The following SV2B variants were observed in gnomAD, a reference collection of about 807,000 sequenced individuals.
The protein encoded by SV2B is synaptic vesicle glycoprotein 2B.
SV2B carries 41 observed loss-of-function variants against 73.9 expected under a neutral mutation model. That is an observed-to-expected ratio of 0.56 (90% CI 0.43 to 0.72). The LOEUF (loss-of-function observed/expected upper bound fraction) is 0.72. SV2B is among the 30% of genes least tolerant of loss of function. The pLI is 0.00. For synonymous variants in SV2B, 314 were observed against 314.2 expected, an observed-to-expected ratio of 1.00 and a Z score of 0.01; for missense variants, 764 against 857.8, an observed-to-expected ratio of 0.89 and a Z score of 1.37.
chr15:91,293,223 C>T lies in SV2B; in HGVS notation c.*671C>T, dbSNP rs1318730862. The T allele has an allele frequency of 2.0e-5, 3 of 152,208 alleles. No individual in the cohort carries two copies. In the South Asian group the frequency reaches 6.2e-4, roughly 32 times the overall value. 9.4% of individuals were successfully genotyped at this position (152,208 alleles called of 1,614,324 possible). A position where few individuals can be genotyped will look rare whatever the true frequency, so the allele number is the denominator to read the frequency against. ...TTCTGTTTTGCTCTATTCAAAGAAA[C>T]GGAATGGGATAGTTATTCTGTAAAC... is the stretch of plus-strand genomic sequence containing the variant. On this transcript the variant is annotated 3_prime_UTR_variant, in exon 13 of 13. Transcript: ENST00000394232.
At chr15:91,156,319 GA>G (rs1567298394) in intron 1 of SV2B, among the ~76,000 whole-genome samples, 1 of 152,196 alleles carries the variant, frequency 6.6e-6, no homozygotes, top group Non-Finnish European at 1.5e-5. Flanking sequence ...GGACTTCTGA[GA>G]GATGGGTTCT....
rs1008291454 is a variant in SV2B, at chr15:91,245,234, A to T, written c.452-6585A>T. Among the ~76,000 whole-genome samples the T allele has an allele frequency of 6.6e-6, 1 of 152,184 alleles. No homozygotes were observed. The highest frequency in any genetic ancestry group is 2.4e-5 in the African/African-American group (1 of 41,434). On this transcript the variant is annotated intron_variant, in intron 2 of 12. Coordinates refer to ENST00000394232, the MANE Select transcript of SV2B (RefSeq NM_001323032.3). This position sits in a 1 kb window ranked among gnomAD's most constrained non-coding sequence, Gnocchi z 4.2. ...TGGCATTGTGTCTCAAGAGCCACAA[A>T]CTTGTTGATCTCCTTCGATCTCATG...
At chr15:91,191,007 T>A (rs2044990450) in intron 1 of SV2B, among the ~76,000 whole-genome samples, 1 of 151,508 alleles carries the variant, frequency 6.6e-6, no homozygotes, top group African/African-American at 2.4e-5. Context: ...ATTTTTGCCT[T>A]AAATTCTATT....
At chr15:91,164,856 G>A (rs185785512) in intron 1 of SV2B, among the ~76,000 whole-genome samples, 13 of 152,322 alleles carry the variant, frequency 8.5e-5, no homozygotes, top group Admixed American at 7.2e-4. Flanking sequence ...TCAGGGGCAC[G>A]CTGTTAAAAG....
intron 1 of SV2B, among the ~76,000 whole-genome samples, chr15:91,202,182 A>G (rs1240308174): frequency 6.6e-6 from 1 of 152,118 alleles, no homozygotes; most frequent in African/African-American, 2.4e-5. Context: ...ACCTGCTTAA[A>G]TTTCTGCCTA....
In SV2B at chr15:91,224,322, G is replaced by A. The variant is rs948651135; in HGVS notation, c.-391-1551G>A. 3.9e-5 allele frequency among the ~76,000 whole-genome samples: 6 copies of A among 152,306 alleles called. No homozygotes were observed. Among genetic ancestry groups the A allele is most frequent in the African/African-American group, 1.4e-4 (6 of 41,562 alleles). ...GTGGGCAGGTGGTTTGACCTGGGGC[G>A]TGAGTCTCTGGTAGCCTCAATGTGT... On this transcript the variant is annotated intron_variant, in intron 1 of 12. Transcript: ENST00000394232. The surrounding 1 kb of genome is among the most constrained non-coding windows in gnomAD (Gnocchi z 4.9).
chr15:91,287,008 C>G (rs145618660), intron 11 of SV2B, among the ~76,000 whole-genome samples: 1 of 152,328 alleles, frequency 6.6e-6, no homozygotes, highest in East Asian at 1.9e-4. Context: ...AGCCCCATGG[C>G]TGGCCCCTCT....
intron 4 of SV2B, among the ~76,000 whole-genome samples, chr15:91,255,774 C>G (rs1406443965): frequency 4.6e-5 from 7 of 152,152 alleles, no homozygotes; most frequent in Non-Finnish European, 8.8e-5. Context: ...TGGGGGAAAT[C>G]CATCCTAGAA....
intron 1 of SV2B, among the ~76,000 whole-genome samples, chr15:91,195,074 G>A (rs2045196335): frequency 6.6e-6 from 1 of 152,130 alleles, no homozygotes; most frequent in Non-Finnish European, 1.5e-5. Flanking sequence ...CACTGACATA[G>A]GGGCTTCTTG....
intron 9 of SV2B, among the ~76,000 whole-genome samples, chr15:91,277,472 A>G (rs2048531224): frequency 6.6e-6 from 1 of 152,180 alleles, no homozygotes; most frequent in Non-Finnish European, 1.5e-5. Context: ...GGATTTCCCC[A>G]TGCCATTTTG....
chr15:91,157,033 G>A (rs2043514832), intron 1 of SV2B, among the ~76,000 whole-genome samples: 1 of 152,214 alleles, frequency 6.6e-6, no homozygotes, highest in African/African-American at 2.4e-5. Context: ...CCCAGCTGTA[G>A]ACTAAGTCAG....
chr15:91,280,796 A>G lies in SV2B; in HGVS notation c.1374-932A>G, dbSNP rs1254901243. 6.6e-6 allele frequency among the ~76,000 whole-genome samples: 1 copy of G among 152,220 alleles called. No individual in the cohort carries two copies. The highest frequency in any genetic ancestry group is 1.5e-5 in the Non-Finnish European group (1 of 68,032). On this transcript the variant is annotated intron_variant, in intron 9 of 12. Transcript: ENST00000394232. The surrounding 1 kb of genome is among the most constrained non-coding windows in gnomAD (Gnocchi z 5.8). ...TACGCTTGGCATAAAGTGAAAATTA[A>G]GTGTATTATTCCTCACTTCCATTGT...
At chr15:91,163,114 T>C (rs184204436) in intron 1 of SV2B, among the ~76,000 whole-genome samples, 1,865 of 152,330 alleles carry the variant, frequency 0.012, 39 homozygotes, top group African/African-American at 0.043. Flanking sequence ...TATGGCTGCA[T>C]AGTATTCCAT....
At position 91,110,086 on chromosome 15, in the gene SV2B, G is replaced by C. The variant is rs749103700; in HGVS notation, c.-392+9723G>C. 1.3e-5 allele frequency among the ~76,000 whole-genome samples: 2 copies of C among 152,072 alleles called. No individual in the cohort carries two copies. ...CGTCATTACTCACATTACAAATCAC[G>C]CTCACTCAGGAGTAATGATGGACAG... On this transcript the variant is annotated intron_variant, in intron 1 of 12. Coordinates refer to ENST00000394232, the MANE Select transcript of SV2B (RefSeq NM_001323032.3). This position sits in a 1 kb window ranked among gnomAD's most constrained non-coding sequence, Gnocchi z 5.4.
In SV2B at chr15:91,231,735, G is replaced by C. The variant is rs2046583016; in HGVS notation, c.451+5021G>C. Among the ~76,000 whole-genome samples the C allele has an allele frequency of 6.6e-6, 1 of 152,156 alleles. No individual in the cohort carries two copies. Among genetic ancestry groups the C allele is most frequent in the Non-Finnish European group, 1.5e-5 (1 of 68,040 alleles). On this transcript the variant is annotated intron_variant, in intron 2 of 12. Coordinates refer to ENST00000394232, the MANE Select transcript of SV2B (RefSeq NM_001323032.3). The surrounding 1 kb of genome is among the most constrained non-coding windows in gnomAD (Gnocchi z 4.5). ...CAGGCAAGAGTTCCGTGTTTTGCCT[G>C]CAGAGTTTTCATTTCTTGGAAGGAT...
intron 1 of SV2B, among the ~76,000 whole-genome samples, chr15:91,138,017 G>T (rs1489721106): frequency 6.6e-6 from 1 of 152,050 alleles, no homozygotes; most frequent in Admixed American, 6.6e-5. Context: ...TGAATTACAG[G>T]GTCTAGGCAA....
rs538853964 is a variant in SV2B at position 91,140,034 on chromosome 15, G to C, written c.-392+39671G>C. Among the ~76,000 whole-genome samples, 65 of 152,278 alleles carry C rather than the reference G, an allele frequency of 4.3e-4. No homozygotes were observed. The highest frequency in any genetic ancestry group is 1.5e-3 in the African/African-American group (64 of 41,570). ...CCAGTAGCATCCGCATCACCTGGGAGCTTGCTAGAAATGCAGGCTCTTGGG... is the reference window on the plus strand; with the variant it reads ...CCAGTAGCATCCGCATCACCTGGGACCTTGCTAGAAATGCAGGCTCTTGGG... On this transcript the variant is annotated intron_variant, in intron 1 of 12. Transcript: ENST00000394232. The surrounding 1 kb of genome is among the most constrained non-coding windows in gnomAD (Gnocchi z 4.4).
chr15:91,205,736 C>T (rs1326357959), intron 1 of SV2B, among the ~76,000 whole-genome samples: 1 of 152,162 alleles, frequency 6.6e-6, no homozygotes, highest in Non-Finnish European at 1.5e-5. Context: ...TGGTTATACT[C>T]TAAAGGGATT....
chr15:91,217,559 TATA>T (rs1290402013), intron 1 of SV2B, among the ~76,000 whole-genome samples: 6 of 152,058 alleles, frequency 3.9e-5, no homozygotes. Context: ...GAACTTAAAG[TATA>T]ATAATAATAA....
Sources: allele counts gnomAD v4.1 joint callset (sites outside exome capture counted in the v4.1 genomes callset), GRCh38; gene constraint gnomAD v4.1.1; non-coding constraint Gnocchi (gnomAD v3.1); transcripts MANE v1.5; gene names NCBI Gene and HGNC (gene_info 2026-07-23, HGNC 2026-07-21).